Variants in RABGAP1L observed in about 807,000 individuals in gnomAD.
RABGAP1L encodes RAB GTPase activating protein 1 like.
A neutral mutation model predicts 137.7 loss-of-function variants in RABGAP1L; 63 were observed. The ratio of observed to expected loss-of-function variants is 0.46; its 90% CI spans 0.37 to 0.56. RABGAP1L has a LOEUF of 0.56. RABGAP1L is among the 20% of genes least tolerant of loss of function. The pLI is 0.00. For synonymous variants in RABGAP1L, 431 were observed against 433.7 expected (o/e 0.99, Z 0.08); for missense variants, 1,095 against 1,244.0 (o/e 0.88, Z 1.80).
At chr1:174,539,833 G>C (rs1233205219) in intron 13 of RABGAP1L, among the ~76,000 whole-genome samples, 1 of 152,170 alleles carries the variant, frequency 6.6e-6, no homozygotes, top group East Asian at 1.9e-4. Flanking sequence ...GGGTCAAATG[G>C]TATTTCTAGT....
intron 11 of RABGAP1L, among the ~76,000 whole-genome samples, chr1:174,343,123 A>G (rs1682127311): frequency 6.6e-6 from 1 of 152,140 alleles, no homozygotes; most frequent in South Asian, 2.1e-4. Context: ...TTCACCTCAA[A>G]CAATGTTATG....
chr1:174,780,096 A>C (rs1048754545), intron 18 of RABGAP1L, among the ~76,000 whole-genome samples: 2 of 147,676 alleles, frequency 1.4e-5, no homozygotes, highest in African/African-American at 2.4e-5. Context: ...ATAAATAAAT[A>C]AATAAATAAA....
intron 12 of RABGAP1L, among the ~76,000 whole-genome samples, chr1:174,372,136 A>T (rs1172408401): frequency 6.6e-6 from 1 of 152,184 alleles, no homozygotes; most frequent in Non-Finnish European, 1.5e-5. Context: ...ATTTCAGAGA[A>T]CTTATTTAAC....
chr1:174,658,050 T>C (rs1676093893), intron 14 of RABGAP1L, among the ~76,000 whole-genome samples: 1 of 152,178 alleles, frequency 6.6e-6, no homozygotes, highest in Admixed American at 6.5e-5. Flanking sequence ...CTGCTTGTCA[T>C]TGCAAATGCA....
chr1:174,333,298 A>G (rs572024873), intron 11 of RABGAP1L, among the ~76,000 whole-genome samples: 2 of 152,336 alleles, frequency 1.3e-5, no homozygotes, highest in East Asian at 3.9e-4. Flanking sequence ...GATATTTCAC[A>G]TAGCTAGAAC....
At chr1:174,325,939 A>G (rs959031786) in intron 11 of RABGAP1L, among the ~76,000 whole-genome samples, 8 of 152,244 alleles carry the variant, frequency 5.3e-5, no homozygotes, top group African/African-American at 1.9e-4. Flanking sequence ...GGGGCCCTTC[A>G]GGGACCTTCC....
At chr1:174,478,775 A>G (rs1334352444) in intron 13 of RABGAP1L, among the ~76,000 whole-genome samples, 1 of 152,188 alleles carries the variant, frequency 6.6e-6, no homozygotes, top group Non-Finnish European at 1.5e-5. Context: ...GTTGCTACCT[A>G]TGAAACCTTT....
intron 15 of RABGAP1L, 118 bp downstream of exon 15, chr1:174,683,714 C>A (rs1190137735): frequency 1.4e-6 from 1 of 696,580 alleles, no homozygotes; most frequent in South Asian, 2.4e-5. Flanking sequence ...TATGGCATAT[C>A]TTTTTTAAAA....
chr1:174,804,487 G>A (rs1689078238), intron 18 of RABGAP1L, among the ~76,000 whole-genome samples: 1 of 151,878 alleles, frequency 6.6e-6, no homozygotes, highest in South Asian at 2.1e-4. Context: ...CTACAAAACT[G>A]GAAAGGCTGT....
At chr1:174,442,358 C>T (rs563036205) in intron 13 of RABGAP1L, among the ~76,000 whole-genome samples, 16 of 152,096 alleles carry the variant, frequency 1.1e-4, no homozygotes, top group Non-Finnish European at 2.4e-4. Flanking sequence ...ATTGCCTTTT[C>T]ATCCTTAAAC....
chr1:174,547,169 A>T (rs1666088522), intron 13 of RABGAP1L, among the ~76,000 whole-genome samples: 1 of 151,802 alleles, frequency 6.6e-6, no homozygotes, highest in Non-Finnish European at 1.5e-5. Context: ...TCAAATCTTC[A>T]TTCTTGATCT....
intron 18 of RABGAP1L, among the ~76,000 whole-genome samples, chr1:174,806,411 G>A (rs1051573430): frequency 1.3e-5 from 2 of 152,060 alleles, no homozygotes; most frequent in Non-Finnish European, 2.9e-5. Context: ...ACCAATCTGG[G>A]CAACATAGCA....
intron 13 of RABGAP1L, among the ~76,000 whole-genome samples, chr1:174,408,530 A>AAT (rs200314841): frequency 1.1e-5 from 1 of 94,782 alleles, no homozygotes; most frequent in African/African-American, 9.0e-5. Flanking sequence ...TGAACATGCA[A>AAT]ACGTGTGTCT....
chr1:174,713,451 G>A (rs1274186169), intron 17 of RABGAP1L, among the ~76,000 whole-genome samples: 2 of 152,212 alleles, frequency 1.3e-5, no homozygotes, highest in African/African-American at 2.4e-5. Context: ...GATGATGGGG[G>A]CAGATCTTTC....
rs189919637 is a variant in RABGAP1L at position 174,742,409 on chromosome 1, C to T, written c.2170-9904C>T. Among the ~76,000 whole-genome samples the T allele has an allele frequency of 1.1e-4, 16 of 151,688 alleles. No individual in the cohort carries two copies. The East Asian group carries it at 1.4e-3, about 13-fold the overall frequency. The stretch of plus-strand genomic sequence containing the variant: ...GCGCACACCTGTAATCCCAGCTACT[C>T]GGGAGGCTGAGGCAGGAGATTTGCT... On this transcript the variant is annotated intron_variant, in intron 17 of 25. Coordinates refer to ENST00000681986, the MANE Select transcript of RABGAP1L (RefSeq NM_001366446.1).
intron 13 of RABGAP1L, among the ~76,000 whole-genome samples, chr1:174,480,986 C>T (rs1162283988): frequency 6.6e-6 from 1 of 152,128 alleles, no homozygotes; most frequent in African/African-American, 2.4e-5. Flanking sequence ...TTAAAGTAGA[C>T]CTAAACAATT....
intron 18 of RABGAP1L, chr1:174,800,233 C>T: frequency 7.0e-7 from 1 of 1,432,552 alleles, no homozygotes; most frequent in Non-Finnish European, 9.1e-7. Context: ...GCTTGTACGT[C>T]CTCCCAGGGA....
chr1:174,447,895 C>G (rs1654957986), intron 13 of RABGAP1L, among the ~76,000 whole-genome samples: 1 of 122,954 alleles, frequency 8.1e-6, no homozygotes, highest in Non-Finnish European at 1.7e-5. Flanking sequence ...TTACCGCCCC[C>G]CCCCCACCCC....
At chr1:174,934,859 A>G (rs998569135) in intron 19 of RABGAP1L, 5 of 152,240 alleles carry the variant, frequency 3.3e-5, no homozygotes, top group Non-Finnish European at 7.3e-5. Flanking sequence ...ACTTATATAT[A>G]GACATAGAGG....
Sources: allele counts gnomAD v4.1 joint callset (sites outside exome capture counted in the v4.1 genomes callset), GRCh38; gene constraint gnomAD v4.1.1; transcripts MANE v1.5; gene names NCBI Gene and HGNC (gene_info 2026-07-23, HGNC 2026-07-21).